The following SRSF7 variants were observed in gnomAD, a reference collection of about 807,000 sequenced individuals.
SRSF7 encodes the protein serine and arginine rich splicing factor 7.
Under a neutral mutation model 42.2 loss-of-function variants are expected in SRSF7, and 15 were observed. That is an observed-to-expected ratio of 0.36 (90% confidence interval 0.24 to 0.55). SRSF7 has a LOEUF of 0.55. Ranked by LOEUF, SRSF7 falls within the 20% of genes least tolerant of loss-of-function variation. The pLI, the probability that SRSF7 is intolerant of heterozygous loss-of-function variation, is 0.88. For synonymous variants in SRSF7, 138 were observed against 107.9 expected (o/e 1.28, Z -1.73); for missense variants, 181 against 305.9 (o/e 0.59, Z 3.04).
intron 1 of SRSF7, among the ~76,000 whole-genome samples, chr2:38,750,470 A>G (rs3134628): frequency 0.71 from 107,517 of 151,296 alleles, 38,425 homozygotes; most frequent in East Asian, 0.88. Context: ...CGTGGGGCGG[A>G]ACCTGGCCCG....
chr2:38,746,029 A>G (rs1193254843), intron 7 of SRSF7, 115 bp downstream of exon 7: 1 of 1,001,218 alleles, frequency 1.0e-6, no homozygotes, highest in African/African-American at 1.6e-5. Flanking sequence ...ATAGTATTTT[A>G]ATCTATATAG....
At chr2:38,750,654 G>A (rs565517981) in intron 1 of SRSF7, among the ~76,000 whole-genome samples, 1 of 151,574 alleles carries the variant, frequency 6.6e-6, no homozygotes, top group South Asian at 2.1e-4. Context: ...CAAGACTCCA[G>A]CTCCCCGCCC....
chr2:38,745,261 A>C, intron 7 of SRSF7, 74 bp from the exon 8 acceptor site: 1 of 1,517,558 alleles, frequency 6.6e-7, no homozygotes, highest in Non-Finnish European at 9.1e-7. Flanking sequence ...CTAACTTTCA[A>C]TAACTTCAAA....
chr2:38,745,652 T>C (rs1188874598), intron 7 of SRSF7, among the ~76,000 whole-genome samples: 1 of 149,438 alleles, frequency 6.7e-6, no homozygotes, highest in African/African-American at 2.5e-5. Flanking sequence ...GAAAACTCCA[T>C]CCCAGAAAAA....
rs751601190 is a variant in SRSF7 at position 38,746,221 on chromosome 2, C to A, written c.627-42G>T. The stretch of plus-strand genomic sequence containing the variant: ...AATTCTATTAAAGAAAGAGTACTAA[C>A]CAATCCCTTTCTTGTAGTCACCAAT... On this transcript the variant is annotated intron_variant, in intron 6 of 7. Transcript: ENST00000313117. 5 of 1,606,920 alleles carry A rather than the reference C, an allele frequency of 3.1e-6. No individual in the cohort carries two copies. In the East Asian group the frequency reaches 8.9e-5, roughly 29 times the overall value.
Position 38,749,597 on chromosome 2 carries a change from G to T in SRSF7, c.318C>A (p.Cys106Ter). The change falls in exon 3 of 8, where the codon TGC becomes TGA. Residue 106 changes from cysteine (C) to a stop codon, truncating the protein, a stop_gained. Transcript: ENST00000313117. LOFTEE classifies it high-confidence loss of function. The stretch of plus-strand genomic sequence containing the variant: ...AATGTCCCTTTTCGCCACACTCATA[G>T]CATCTATCATTTGGATCAAAGGGAC... ...ARRPFDPNDR[C>*]YECGEKGHYA... is the part of the protein sequence containing the mutation. 1 of 1,606,504 alleles carries T rather than the reference G, an allele frequency of 6.2e-7. No homozygotes were observed. The highest frequency in any genetic ancestry group is 8.5e-7 in the Non-Finnish European group (1 of 1,178,186).
At chr2:38,745,750 A>G (rs1667287618) in intron 7 of SRSF7, among the ~76,000 whole-genome samples, 1 of 152,216 alleles carries the variant, frequency 6.6e-6, no homozygotes, top group Admixed American at 6.5e-5. Flanking sequence ...CTGGTCATTA[A>G]GAAGCACTAG....
intron 1 of SRSF7, among the ~76,000 whole-genome samples, chr2:38,750,530 C>T (rs1439521235): frequency 6.6e-6 from 1 of 151,658 alleles, no homozygotes; most frequent in African/African-American, 2.4e-5. Context: ...AGCGCGCGGG[C>T]CCGCAGCGGC....
intron 5 of SRSF7, 91 bp from the exon 6 acceptor site, chr2:38,746,838 A>G (rs1332295096): frequency 3.2e-6 from 5 of 1,567,372 alleles, no homozygotes; most frequent in Admixed American, 1.9e-5. Flanking sequence ...GGTCAGGCAT[A>G]AAGAAGCTAA....
chr2:38,750,335 G>T, intron 1 of SRSF7, 141 bp from the exon 2 acceptor site: 1 of 663,330 alleles, frequency 1.5e-6, no homozygotes, highest in Non-Finnish European at 2.4e-6. Context: ...AAACTTAGTC[G>T]TAAAACTGGT....
intron 3 of SRSF7, chr2:38,748,971 C>T: frequency 7.7e-7 from 1 of 1,296,198 alleles, no homozygotes; most frequent in Non-Finnish European, 1.0e-6. Flanking sequence ...TATCTATAGC[C>T]GATCGCTGCA....
Position 38,744,802 on chromosome 2 carries a change from G to A in SRSF7, c.*331C>T. 1 of 233,070 alleles carries A rather than the reference G, an allele frequency of 4.3e-6. No individual in the cohort carries two copies. The highest frequency in any genetic ancestry group is 1.0e-4 in the East Asian group (1 of 9,798). The allele number at this position is 233,070 out of a possible 1,614,324, so 14.4% of individuals were successfully genotyped here. ...TAACCAACACCTTTCAATTCTGAAT[G>A]TAGGTATGTATGAATAAGGTTAACA... On this transcript the variant is annotated 3_prime_UTR_variant, in exon 8 of 8. Coordinates refer to ENST00000313117, the MANE Select transcript of SRSF7 (RefSeq NM_001031684.3).
Position 38,750,310 on chromosome 2 carries a change from C to G in SRSF7, c.29-116G>C, listed in dbSNP as rs187594673. 3.4e-6 allele frequency: 3 copies of G among 883,756 alleles called. No homozygotes were observed. In the South Asian group the frequency reaches 5.3e-5, roughly 16 times the overall value. 54.7% of individuals were successfully genotyped at this position (883,756 alleles called of 1,614,324 possible). On this transcript the variant is annotated intron_variant, in intron 1 of 7. Coordinates refer to ENST00000313117, the MANE Select transcript of SRSF7 (RefSeq NM_001031684.3). Reference sequence around the variant, plus strand: ...AGATTGGGTAAAGCACATTTAATGCCCTCTATCCAAGACAAAACTTAGTCG... The same window carrying G: ...AGATTGGGTAAAGCACATTTAATGCGCTCTATCCAAGACAAAACTTAGTCG...
At chr2:38,746,014 T>A (rs1667347579) in intron 7 of SRSF7, 130 bp downstream of exon 7, 1 of 841,910 alleles carries the variant, frequency 1.2e-6, no homozygotes, top group Non-Finnish European at 1.9e-6. Context: ...TTTCAGAAAC[T>A]TAGCATAGTA....
chr2:38,751,059 C>T (rs1668271443), intron 1 of SRSF7, 170 bp downstream of exon 1: 1 of 778,166 alleles, frequency 1.3e-6, no homozygotes, highest in African/African-American at 1.7e-5. Context: ...ACCCGCCATC[C>T]CGTCTCCCTT....
At chr2:38,750,525 G>T (rs1187063538) in intron 1 of SRSF7, among the ~76,000 whole-genome samples, 1 of 151,560 alleles carries the variant, frequency 6.6e-6, no homozygotes, top group Non-Finnish European at 1.5e-5. Flanking sequence ...CCGGGAGCGC[G>T]CGGGCCCGCA....
At chr2:38,749,474 AAAAG>A in intron 3 of SRSF7, 51 bp downstream of exon 3, 1 of 1,545,032 alleles carries the variant, frequency 6.5e-7, no homozygotes, top group Non-Finnish European at 8.7e-7. Flanking sequence ...CCTTGCTAAT[AAAAG>A]AATTACTTGA....
At position 38,751,347 on chromosome 2, in the gene SRSF7, T is replaced by C; in HGVS notation, c.-91A>G. On this transcript the variant is annotated 5_prime_UTR_variant, in exon 1 of 8. Coordinates refer to ENST00000313117, the MANE Select transcript of SRSF7 (RefSeq NM_001031684.3). ...GACACACACCTTCACCCGCCAAGAG[T>C]CCCGGCGGCACTACGAGGAAGAGCC... 1 of 1,583,444 alleles carries C rather than the reference T, an allele frequency of 6.3e-7. No homozygotes were observed. The highest frequency in any genetic ancestry group is 1.1e-5 in the South Asian group (1 of 90,298).
chr2:38,750,741 C>A, intron 1 of SRSF7: 1 of 161,852 alleles, frequency 6.2e-6, no homozygotes, highest in Non-Finnish European at 1.4e-5. Flanking sequence ...ATTCCCATTC[C>A]GCAATTTAAC....
Sources: gnomAD v4.1 joint callset for allele counts (sites outside exome capture counted in the v4.1 genomes callset) on GRCh38, gnomAD v4.1.1 for gene constraint, MANE v1.5 for transcripts, NCBI Gene and HGNC (gene_info 2026-07-23, HGNC 2026-07-21) for gene names.